Variants in CTDSPL2 observed in about 807,000 individuals in gnomAD.
CTDSPL2 encodes the protein CTD small phosphatase like 2, also known as CTD small phosphatase-like protein 2.
Under a neutral mutation model 60.0 loss-of-function variants are expected in CTDSPL2, and 5 were observed. That is an observed-to-expected ratio of 0.08 (90% CI 0.04 to 0.18). The LOEUF (loss-of-function observed/expected upper bound fraction) is 0.18, where lower values mean the gene tolerates loss of function less well. Ranked by LOEUF, CTDSPL2 falls within the 10% of genes least tolerant of loss-of-function variation. CTDSPL2 has a pLI of 1.00. For synonymous variants in CTDSPL2, 186 were observed against 189.3 expected, an observed-to-expected ratio of 0.98 and a Z score of 0.14; for missense variants, 370 against 548.8, an observed-to-expected ratio of 0.67 and a Z score of 3.26.
intron 1 of CTDSPL2, among the ~76,000 whole-genome samples, chr15:44,441,065 C>T (rs529672098): frequency 4.6e-5 from 7 of 152,282 alleles, no homozygotes; most frequent in Admixed American, 3.3e-4. Flanking sequence ...AATCTTGCTC[C>T]TCTAGGCCAG....
In CTDSPL2 at chr15:44,526,513, A is replaced by G. The variant is rs1349211399; in HGVS notation, c.*2339A>G. 6.6e-6 allele frequency: 1 copy of G among 152,200 alleles called. No individual in the cohort carries two copies. Among genetic ancestry groups the G allele is most frequent in the African/African-American group, 2.4e-5 (1 of 41,454 alleles). The allele number at this position is 152,200 out of a possible 1,614,324, so 9.4% of individuals were successfully genotyped here. On this transcript the variant is annotated 3_prime_UTR_variant, in exon 13 of 13. Coordinates refer to ENST00000260327, the MANE Select transcript of CTDSPL2 (RefSeq NM_016396.3). ...CTGATCAAGCATAAGATACTTCCGT[A>G]AAGAAATAAACTAAGAAAATTTTTT... is the stretch of plus-strand genomic sequence containing the variant.
At chr15:44,520,154 C>CTTTTT in intron 11 of CTDSPL2, 1 of 140,704 alleles carries the variant, frequency 7.1e-6, no homozygotes, top group Non-Finnish European at 1.5e-5. Context: ...TTTTGTTTTC[C>CTTTTT]TTTTTTTTTT....
chr15:44,462,081 A>G (rs2080583107), intron 2 of CTDSPL2, among the ~76,000 whole-genome samples: 1 of 152,156 alleles, frequency 6.6e-6, no homozygotes, highest in Admixed American at 6.5e-5. Context: ...AGCTGGGACT[A>G]CAGGCTTTTG....
At chr15:44,476,240 TGTATTTTTTAGTAGAGATGGG>T in intron 2 of CTDSPL2, among the ~76,000 whole-genome samples, 1 of 152,162 alleles carries the variant, frequency 6.6e-6, no homozygotes, top group African/African-American at 2.4e-5. Context: ...GCTAATTTTT[TGTATTTTTTAGTAGAGATGGG>T]GTTTCACTGT....
intron 2 of CTDSPL2, among the ~76,000 whole-genome samples, chr15:44,471,334 T>C (rs1262595291): frequency 6.6e-6 from 1 of 152,202 alleles, no homozygotes; most frequent in Non-Finnish European, 1.5e-5. Flanking sequence ...AGATGTATGC[T>C]TAACTTCTTT....
At chr15:44,454,102 T>C (rs2080386447) in intron 1 of CTDSPL2, among the ~76,000 whole-genome samples, 1 of 152,224 alleles carries the variant, frequency 6.6e-6, no homozygotes, top group Admixed American at 6.5e-5. Flanking sequence ...TTCCTGACTT[T>C]TTAATGATCG....
In CTDSPL2 at chr15:44,441,899, C is replaced by T. The variant is rs537612807; in HGVS notation, c.-25+14127C>T. ...TTTCTGGGGCTGTAGCTTGTAATTC[C>T]CCGACTTCTTTGCCCTCAGGTTGCC... On this transcript the variant is annotated intron_variant, in intron 1 of 12. Transcript: ENST00000260327. 5.9e-5 allele frequency among the ~76,000 whole-genome samples: 9 copies of T among 152,208 alleles called. No homozygotes were observed. In the South Asian group the frequency reaches 8.3e-4, roughly 14 times the overall value.
At chr15:44,493,980 C>T (rs547563247) in intron 5 of CTDSPL2, among the ~76,000 whole-genome samples, 142 of 152,144 alleles carry the variant, frequency 9.3e-4, no homozygotes, top group Non-Finnish European at 1.4e-3. Context: ...GACTCTGTCT[C>T]AAAAGGTGTT....
intron 1 of CTDSPL2, 110 bp from the exon 2 acceptor site, chr15:44,458,881 G>C (rs965934651): frequency 6.0e-6 from 4 of 664,804 alleles, no homozygotes; most frequent in Non-Finnish European, 4.5e-6. Flanking sequence ...TAGGACTTTT[G>C]TTTTTTTAGC....
At chr15:44,458,923 T>G in intron 1 of CTDSPL2, 68 bp from the exon 2 acceptor site, 6 of 1,052,196 alleles carry the variant, frequency 5.7e-6, no homozygotes, top group Non-Finnish European at 5.2e-6. Flanking sequence ...GCTGGGCACA[T>G]TTGGGTAGAG....
At chr15:44,474,146 A>C (rs1297020804) in intron 2 of CTDSPL2, among the ~76,000 whole-genome samples, 2 of 152,130 alleles carry the variant, frequency 1.3e-5, no homozygotes, top group African/African-American at 4.8e-5. Flanking sequence ...CTCATATATA[A>C]AGGCCGAGAT....
At chr15:44,499,633 G>GGGT (rs1476915260) in intron 7 of CTDSPL2, 94 bp from the exon 8 acceptor site, 5 of 695,814 alleles carry the variant, frequency 7.2e-6, no homozygotes, top group Non-Finnish European at 1.2e-5. Flanking sequence ...ACATATGAAT[G>GGGT]GGTGCTTTAG....
At chr15:44,432,476 T>C (rs915999953) in intron 1 of CTDSPL2, among the ~76,000 whole-genome samples, 9 of 151,920 alleles carry the variant, frequency 5.9e-5, no homozygotes, top group African/African-American at 2.2e-4. Flanking sequence ...CACGCCACCA[T>C]GCTCGGCTAA....
At position 44,528,070 on chromosome 15, in the gene CTDSPL2, A is replaced by G. The variant is rs1184883323; in HGVS notation, c.*3896A>G. The G allele has an allele frequency of 6.6e-6, 1 of 152,188 alleles. No individual in the cohort carries two copies. The highest frequency in any genetic ancestry group is 2.4e-5 in the African/African-American group (1 of 41,464). The allele number at this position is 152,188 out of a possible 1,614,324, so 9.4% of individuals were successfully genotyped here. On this transcript the variant is annotated 3_prime_UTR_variant, in exon 13 of 13. Transcript: ENST00000260327. ...ACATTTTTATAAAATGTTTCTCTGTATCTTGAATTGAAATTACTTGCCCAG... is the reference window on the plus strand; with the variant it reads ...ACATTTTTATAAAATGTTTCTCTGTGTCTTGAATTGAAATTACTTGCCCAG...
At chr15:44,434,720 C>CTTTTTTTTTTTTTTTTT (rs2079938090) in intron 1 of CTDSPL2, among the ~76,000 whole-genome samples, 2 of 152,066 alleles carry the variant, frequency 1.3e-5, no homozygotes, top group African/African-American at 4.8e-5. Context: ...TCTTTTCTTT[C>CTTTTTTTTTTTTTTTTT]TTATTTATTG....
rs1347435298 is a variant in CTDSPL2 at position 44,497,376 on chromosome 15, AT to A, written c.882+245del. Reference sequence around the variant, plus strand: ...AATAGTCTCAAAAGCACAATTTCTTATTTTTTTGAGATGGAGTCTCGCTCTG... The same window carrying A: ...AATAGTCTCAAAAGCACAATTTCTTATTTTTTGAGATGGAGTCTCGCTCTG... On this transcript the variant is annotated intron_variant, in intron 7 of 12. Coordinates refer to ENST00000260327, the MANE Select transcript of CTDSPL2 (RefSeq NM_016396.3). Among the ~76,000 whole-genome samples, 3 of 152,034 alleles carry A rather than the reference AT, an allele frequency of 2.0e-5. No homozygotes were observed. The East Asian group carries it at 5.8e-4, about 29-fold the overall frequency.
intron 1 of CTDSPL2, among the ~76,000 whole-genome samples, chr15:44,456,419 TC>T (rs1195368297): frequency 6.6e-6 from 1 of 152,208 alleles, no homozygotes; most frequent in East Asian, 1.9e-4. Flanking sequence ...CAATTTCAGC[TC>T]CTGTTATTGT....
intron 1 of CTDSPL2, among the ~76,000 whole-genome samples, chr15:44,439,580 A>G (rs1233554997): frequency 1.3e-5 from 2 of 149,888 alleles, no homozygotes; most frequent in African/African-American, 4.9e-5. Context: ...CTGGTTGAGC[A>G]TTTTCTTTGA....
chr15:44,492,386 T>C (rs1362293550), intron 5 of CTDSPL2, among the ~76,000 whole-genome samples: 1 of 152,180 alleles, frequency 6.6e-6, no homozygotes, highest in Non-Finnish European at 1.5e-5. Context: ...GGAAATATAA[T>C]ATACAGATGG....
Sources: allele counts gnomAD v4.1 joint callset (sites outside exome capture counted in the v4.1 genomes callset), GRCh38; gene constraint gnomAD v4.1.1; transcripts MANE v1.5; gene names NCBI Gene and HGNC (gene_info 2026-07-23, HGNC 2026-07-21).